Variants in SEMA6D observed in about 807,000 individuals in gnomAD.
SEMA6D encodes semaphorin 6D.
Under a neutral mutation model 106.6 loss-of-function variants are expected in SEMA6D, and 35 were observed. That is an observed-to-expected ratio of 0.33 (90% CI 0.25 to 0.44). SEMA6D has a LOEUF of 0.44. Ranked by LOEUF, SEMA6D falls within the 20% of genes least tolerant of loss-of-function variation. The probability of loss-of-function intolerance (pLI) is 1.00; values close to 1 mark genes in which losing one functional copy is unlikely to be tolerated. For missense variants in SEMA6D, 1,185 were observed against 1,345.9 expected, an observed-to-expected ratio of 0.88 and a Z score of 1.87; for synonymous variants, 499 against 487.7, an observed-to-expected ratio of 1.02 and a Z score of -0.31.
chr15:47,364,591 T>G (rs1267166776), intron 1 of SEMA6D, among the ~76,000 whole-genome samples: 5 of 152,192 alleles, frequency 3.3e-5, no homozygotes, highest in African/African-American at 1.2e-4. Context: ...CAACATAGAA[T>G]GCAACATAGA....
chr15:47,632,226 T>C (rs192719559), intron 4 of SEMA6D, among the ~76,000 whole-genome samples: 9 of 152,148 alleles, frequency 5.9e-5, no homozygotes, highest in African/African-American at 2.2e-4. Flanking sequence ...GCGCAAGTTA[T>C]GGTCTATGTT....
intron 3 of SEMA6D, among the ~76,000 whole-genome samples, chr15:47,503,464 G>A (rs1369031472): frequency 1.3e-5 from 2 of 152,196 alleles, no homozygotes; most frequent in Non-Finnish European, 2.9e-5. Flanking sequence ...TAACCAGCTA[G>A]ATGACTATGG....
At chr15:47,216,061 A>T (rs1231574011) in intron 1 of SEMA6D, among the ~76,000 whole-genome samples, 1 of 152,194 alleles carries the variant, frequency 6.6e-6, no homozygotes, top group Non-Finnish European at 1.5e-5. Flanking sequence ...ATTAGTCCTG[A>T]TATGTAACTT....
rs936764721 is a variant in SEMA6D, at chr15:47,494,831, G to A, written c.-87+24286G>A. 8.3e-5 allele frequency among the ~76,000 whole-genome samples: 8 copies of A among 96,542 alleles called. No homozygotes were observed. The East Asian group carries it at 9.8e-4, about 12-fold the overall frequency. The allele number at this position is 96,542 out of a possible 152,430, so 63.3% of individuals were successfully genotyped here. On this transcript the variant is annotated intron_variant, in intron 3 of 19. Coordinates refer to the SEMA6D transcript ENST00000558014. Reference sequence around the variant, plus strand: ...CACACACACACACACACACACACACGCTAATTCATGAATCATTCTGCACAT... The same window carrying A: ...CACACACACACACACACACACACACACTAATTCATGAATCATTCTGCACAT...
At chr15:47,366,533 T>C (rs2039037065) in intron 1 of SEMA6D, among the ~76,000 whole-genome samples, 2 of 152,168 alleles carry the variant, frequency 1.3e-5, no homozygotes, top group African/African-American at 4.8e-5. Context: ...AAGACTATAT[T>C]TGAGGTATGC....
chr15:47,392,322 T>C (rs749704598), intron 1 of SEMA6D, among the ~76,000 whole-genome samples: 5 of 152,156 alleles, frequency 3.3e-5, no homozygotes, highest in Non-Finnish European at 5.9e-5. Flanking sequence ...AATCTGTTAC[T>C]GTATATGGCA....
At chr15:47,278,442 C>G (rs2142428892) in intron 1 of SEMA6D, among the ~76,000 whole-genome samples, 1 of 152,156 alleles carries the variant, frequency 6.6e-6, no homozygotes, top group South Asian at 2.1e-4. Context: ...TGTCCTTTGC[C>G]CACTTTTTGA....
intron 1 of SEMA6D, among the ~76,000 whole-genome samples, chr15:47,184,972 T>C (rs980689275): frequency 1.3e-5 from 2 of 152,024 alleles, no homozygotes; most frequent in African/African-American, 4.8e-5. Flanking sequence ...GGGAACGACC[T>C]ACCTTCTTGC....
At chr15:47,656,413 C>T (rs2077796080) in intron 4 of SEMA6D, among the ~76,000 whole-genome samples, 2 of 152,116 alleles carry the variant, frequency 1.3e-5, no homozygotes, top group South Asian at 2.1e-4. Context: ...AAGTGTCCAG[C>T]GTGGTACCTG....
intron 1 of SEMA6D, among the ~76,000 whole-genome samples, chr15:47,246,607 C>T (rs1313138501): frequency 6.6e-6 from 1 of 152,152 alleles, no homozygotes; most frequent in Admixed American, 6.5e-5. Context: ...GCCAGCAATG[C>T]AATAGAGTTG....
At chr15:47,656,234 C>G (rs993356122) in intron 4 of SEMA6D, among the ~76,000 whole-genome samples, 1 of 152,126 alleles carries the variant, frequency 6.6e-6, no homozygotes, top group Admixed American at 6.5e-5. Context: ...AATAGAAACA[C>G]ATATCAAACA....
In SEMA6D at chr15:47,348,723, C is replaced by CAGAGAG. The variant is rs1258338355; in HGVS notation, c.-238-63669_-238-63668insGAGAGA. ...CACACACACACACACACACACCACA[C>CAGAGAG]ACACAGAGAGAGAGAGAGAGAGAGA... On this transcript the variant is annotated intron_variant, in intron 1 of 19. Transcript: ENST00000558014. 9.9e-3 allele frequency among the ~76,000 whole-genome samples: 451 copies of CAGAGAG among 45,530 alleles called. 37 individuals carry two copies. The highest frequency in any genetic ancestry group is 0.024 in the African/African-American group (417 of 17,464). 29.9% of individuals were successfully genotyped at this position (45,530 alleles called of 152,430 possible).
chr15:47,337,481 C>T (rs1201642132), intron 1 of SEMA6D, among the ~76,000 whole-genome samples: 2 of 151,866 alleles, frequency 1.3e-5, no homozygotes, highest in Admixed American at 1.3e-4. Context: ...CTTTGCTTAC[C>T]CAATGGAAGA....
intron 4 of SEMA6D, among the ~76,000 whole-genome samples, chr15:47,619,636 G>A (rs952300543): frequency 6.6e-6 from 1 of 152,176 alleles, no homozygotes; most frequent in Non-Finnish European, 1.5e-5. Context: ...TCAGCATCTT[G>A]GGGAGAGGCC....
intron 3 of SEMA6D, among the ~76,000 whole-genome samples, chr15:47,554,441 A>G (rs2045858136): frequency 6.6e-6 from 1 of 152,018 alleles, no homozygotes; most frequent in Admixed American, 6.6e-5. Flanking sequence ...GAAAGAGGAG[A>G]CTCTCTTTGC....
At chr15:47,618,960 C>T (rs570022273) in intron 4 of SEMA6D, among the ~76,000 whole-genome samples, 1 of 152,228 alleles carries the variant, frequency 6.6e-6, no homozygotes, top group African/African-American at 2.4e-5. Context: ...GGGTCACTTT[C>T]CAGAGGGAGG....
At chr15:47,627,622 T>C (rs12900217) in intron 4 of SEMA6D, among the ~76,000 whole-genome samples, 43,429 of 152,118 alleles carry the variant, frequency 0.29, 7,215 homozygotes, top group East Asian at 0.45. Flanking sequence ...TGATTATTTT[T>C]AATTAAACTT....
intron 4 of SEMA6D, among the ~76,000 whole-genome samples, chr15:47,613,199 T>G (rs1596449218): frequency 6.6e-6 from 1 of 152,166 alleles, no homozygotes; most frequent in East Asian, 1.9e-4. Flanking sequence ...AATAATCATA[T>G]TTCACCTCAA....
chr15:47,443,271 G>C (rs2041934918), intron 2 of SEMA6D, among the ~76,000 whole-genome samples: 1 of 152,114 alleles, frequency 6.6e-6, no homozygotes, highest in South Asian at 2.1e-4. Context: ...TGTTACAACT[G>C]TGTTGGCCAA....
Sources: allele counts gnomAD v4.1 joint callset (sites outside exome capture counted in the v4.1 genomes callset), GRCh38; gene constraint gnomAD v4.1.1; transcripts MANE v1.5; gene names NCBI Gene and HGNC (gene_info 2026-07-23, HGNC 2026-07-21).